The following LRBA variants were observed in gnomAD, a reference collection of about 807,000 sequenced individuals.
LRBA encodes the protein LPS responsive beige-like anchor protein, also known as lipopolysaccharide-responsive and beige-like anchor protein.
A neutral mutation model predicts 330.0 loss-of-function variants in LRBA; 176 were observed. The observed-to-expected ratio is 0.53, with a 90% CI of 0.47 to 0.60. The LOEUF is 0.60. Ranked by LOEUF, LRBA falls within the 20% of genes least tolerant of loss-of-function variation. The probability of loss-of-function intolerance (pLI) is 0.00; values close to 1 mark genes in which losing one functional copy is unlikely to be tolerated. For missense variants in LRBA, 3,259 were observed against 3,444.8 expected (o/e 0.95, Z 1.35); for synonymous variants, 1,230 against 1,193.0 (o/e 1.03, Z -0.64).
In LRBA at chr4:150,928,458, C is replaced by T. The variant is rs1332994643; in HGVS notation, c.549+58G>A. On this transcript the variant is annotated intron_variant, in intron 4 of 56. Coordinates refer to ENST00000651943, the MANE Select transcript of LRBA (RefSeq NM_001364905.1). Reference sequence around the variant, plus strand: ...ATAATATCAGTTACTTTACAAGCTACGAATGTGTTTGGGAGGAGCATACTT... The same window carrying T: ...ATAATATCAGTTACTTTACAAGCTATGAATGTGTTTGGGAGGAGCATACTT... The T allele has an allele frequency of 6.0e-6, 6 of 997,472 alleles. No individual in the cohort carries two copies. The African/African-American group carries it at 6.5e-5, about 11-fold the overall frequency. The allele number at this position is 997,472 out of a possible 1,614,324, so 61.8% of individuals were successfully genotyped here.
chr4:150,752,449 G>T (rs1391571104), intron 35 of LRBA, among the ~76,000 whole-genome samples: 2 of 151,964 alleles, frequency 1.3e-5, no homozygotes, highest in East Asian at 3.9e-4. Context: ...AGAAAGAATA[G>T]ATTTTGTTGG....
intron 40 of LRBA, chr4:150,581,329 T>G (rs1394127619): frequency 4.4e-6 from 2 of 451,604 alleles, no homozygotes; most frequent in African/African-American, 4.0e-5. Flanking sequence ...TTATATCCAC[T>G]CCAACCCTCA....
intron 47 of LRBA, among the ~76,000 whole-genome samples, chr4:150,388,792 C>T (rs1201276597): frequency 6.6e-6 from 1 of 152,056 alleles, no homozygotes; most frequent in Admixed American, 6.6e-5. Context: ...GTTGCACAGT[C>T]AATAGGGTAG....
At chr4:150,904,860 C>CA (rs1194095600) in intron 13 of LRBA, among the ~76,000 whole-genome samples, 5 of 151,856 alleles carry the variant, frequency 3.3e-5, no homozygotes, top group Admixed American at 2.6e-4. Flanking sequence ...TCTAGAAAAG[C>CA]AAAAAAGTCT....
At chr4:151,008,173 C>T (rs148458098) in intron 2 of LRBA, among the ~76,000 whole-genome samples, 2,702 of 151,694 alleles carry the variant, frequency 0.018, 58 homozygotes, top group African/African-American at 0.061. Flanking sequence ...CTCCGCCTCC[C>T]GGGTTCAAGC....
At chr4:150,552,900 T>C (rs1306726003) in intron 40 of LRBA, among the ~76,000 whole-genome samples, 2 of 151,266 alleles carry the variant, frequency 1.3e-5, no homozygotes, top group Non-Finnish European at 2.9e-5. Flanking sequence ...AAACCCCGTC[T>C]CTACTAAAAA....
intron 48 of LRBA, among the ~76,000 whole-genome samples, chr4:150,341,679 G>A (rs568624178): frequency 4.6e-5 from 7 of 151,410 alleles, no homozygotes; most frequent in African/African-American, 7.3e-5. Flanking sequence ...TTGTGCTCCC[G>A]TATTCAGTGA....
chr4:150,405,297 G>A (rs1031535538), intron 47 of LRBA, among the ~76,000 whole-genome samples: 1 of 152,120 alleles, frequency 6.6e-6, no homozygotes, highest in Non-Finnish European at 1.5e-5. Context: ...ATACAGAAAA[G>A]GCTATTTAAG....
At chr4:150,925,322 T>C (rs1030169191) in intron 4 of LRBA, among the ~76,000 whole-genome samples, 2 of 152,242 alleles carry the variant, frequency 1.3e-5, no homozygotes, top group African/African-American at 4.8e-5. Context: ...ACTCTCTTAA[T>C]GATGAACATC....
chr4:150,524,010 TCTTA>T (rs1164105721), intron 40 of LRBA, among the ~76,000 whole-genome samples: 1 of 152,228 alleles, frequency 6.6e-6, no homozygotes, highest in Non-Finnish European at 1.5e-5. Context: ...CATGTTGTTG[TCTTA>T]CTTTAGAGAA....
chr4:150,762,608 G>C (rs947754500), intron 34 of LRBA, among the ~76,000 whole-genome samples: 1 of 151,710 alleles, frequency 6.6e-6, no homozygotes, highest in African/African-American at 2.4e-5. Flanking sequence ...AAAAATGCTC[G>C]TGAATGCCAC....
intron 37 of LRBA, among the ~76,000 whole-genome samples, chr4:150,643,619 C>T (rs1416854792): frequency 6.6e-6 from 1 of 151,862 alleles, no homozygotes; most frequent in African/African-American, 2.4e-5. Context: ...GTTGTCAGAG[C>T]AAAATGATCT....
chr4:150,668,082 C>T (rs1277002519), intron 37 of LRBA, among the ~76,000 whole-genome samples: 4 of 152,116 alleles, frequency 2.6e-5, no homozygotes, highest in East Asian at 1.9e-4. Context: ...ATTTGGCCTA[C>T]AGTAAAAGTT....
chr4:150,389,596 C>A (rs1056675256), intron 47 of LRBA, among the ~76,000 whole-genome samples: 1 of 135,722 alleles, frequency 7.4e-6, no homozygotes, highest in African/African-American at 2.7e-5. Flanking sequence ...GTAATCCCAA[C>A]TTTTTGGGAG....
chr4:150,556,605 G>A (rs528597095), intron 40 of LRBA, among the ~76,000 whole-genome samples: 52 of 152,246 alleles, frequency 3.4e-4, no homozygotes, highest in African/African-American at 1.2e-3. Flanking sequence ...CTCATTGATT[G>A]CTTCTGCATT....
At chr4:150,687,226 T>C (rs1338941458) in intron 36 of LRBA, among the ~76,000 whole-genome samples, 1 of 152,138 alleles carries the variant, frequency 6.6e-6, no homozygotes. Flanking sequence ...AAATCCTATG[T>C]ATGAAATATT....
intron 28 of LRBA, among the ~76,000 whole-genome samples, chr4:150,833,076 A>C (rs1229944844): frequency 6.6e-6 from 1 of 152,044 alleles, no homozygotes; most frequent in Non-Finnish European, 1.5e-5. Flanking sequence ...ACACCTGACC[A>C]CAAAGGAATT....
chr4:150,494,590 A>C (rs1026343807), intron 40 of LRBA, among the ~76,000 whole-genome samples: 2 of 152,234 alleles, frequency 1.3e-5, no homozygotes, highest in Non-Finnish European at 2.9e-5. Context: ...TGATTAAATA[A>C]AATATACCAT....
chr4:150,767,269 T>C (rs1735884115), intron 34 of LRBA, among the ~76,000 whole-genome samples: 1 of 152,214 alleles, frequency 6.6e-6, no homozygotes, highest in Non-Finnish European at 1.5e-5. Flanking sequence ...GAACGTATTT[T>C]AGTGACGAAT....
Sources: gnomAD v4.1 joint callset for allele counts (sites outside exome capture counted in the v4.1 genomes callset) on GRCh38, gnomAD v4.1.1 for gene constraint, MANE v1.5 for transcripts, NCBI Gene and HGNC (gene_info 2026-07-23, HGNC 2026-07-21) for gene names.